COL25A1: variants seen among roughly 807,000 people sequenced by gnomAD.
COL25A1 encodes collagen type XXV alpha 1 chain.
COL25A1 carries 103 observed loss-of-function variants against 128.4 expected under a neutral mutation model. The ratio of observed to expected loss-of-function variants is 0.80; its 90% confidence interval spans 0.68 to 0.94. The LOEUF is 0.94. Among genes scored for constraint, COL25A1 ranks in the 40% least tolerant of loss-of-function variants. The probability of loss-of-function intolerance (pLI) is 0.00; values close to 1 mark genes in which losing one functional copy is unlikely to be tolerated. For missense variants in COL25A1, 745 were observed against 840.0 expected (o/e 0.89, Z 1.40); for synonymous variants, 279 against 277.2 (o/e 1.01, Z -0.06).
At chr4:108,976,308 A>G (rs763962265) in intron 6 of COL25A1, among the ~76,000 whole-genome samples, 1 of 152,228 alleles carries the variant, frequency 6.6e-6, no homozygotes, top group African/African-American at 2.4e-5. Flanking sequence ...AAATGTGGAT[A>G]TCAAATTAAC....
intron 3 of COL25A1, among the ~76,000 whole-genome samples, chr4:109,270,560 G>C (rs1179519619): frequency 6.6e-6 from 1 of 152,138 alleles, no homozygotes; most frequent in Non-Finnish European, 1.5e-5. Flanking sequence ...TTCTCCTAGA[G>C]CCTGCTCCTG....
Position 109,141,085 on chromosome 4 carries a change from C to A in COL25A1, c.368-90906G>T, listed in dbSNP as rs577023681. Among the ~76,000 whole-genome samples, 4 of 152,204 alleles carry A rather than the reference C, an allele frequency of 2.6e-5. No homozygotes were observed. In the South Asian group the frequency reaches 8.3e-4, roughly 32 times the overall value. On this transcript the variant is annotated intron_variant, in intron 3 of 37. Transcript: ENST00000399132. ...GGCTGTGGGTTTCTCATAAATAGCTCTAATTATTTTGAGATATGTTCCATC... is the reference window on the plus strand; with the variant it reads ...GGCTGTGGGTTTCTCATAAATAGCTATAATTATTTTGAGATATGTTCCATC...
At chr4:108,975,184 G>GT (rs1202998478) in intron 6 of COL25A1, among the ~76,000 whole-genome samples, 1 of 152,276 alleles carries the variant, frequency 6.6e-6, no homozygotes, top group Non-Finnish European at 1.5e-5. Flanking sequence ...GCCAGGCGCA[G>GT]TGGCTCATGC....
intron 8 of COL25A1, among the ~76,000 whole-genome samples, chr4:108,964,319 T>C (rs567157624): frequency 6.6e-6 from 1 of 151,922 alleles, no homozygotes; most frequent in African/African-American, 2.4e-5. Context: ...TCTGTGGTCA[T>C]TAATAGAATT....
intron 13 of COL25A1, among the ~76,000 whole-genome samples, chr4:108,910,079 G>C (rs1361672455): frequency 2.6e-5 from 4 of 152,076 alleles, no homozygotes; most frequent in African/African-American, 9.7e-5. Flanking sequence ...TTTTTCACCT[G>C]GTTCCCTTAA....
intron 5 of COL25A1, chr4:109,021,752 C>T (rs1040009232): frequency 2.2e-6 from 1 of 453,356 alleles, no homozygotes; most frequent in African/African-American, 2.0e-5. Context: ...TATTAAGACC[C>T]TAGGAAAAGA....
intron 3 of COL25A1, among the ~76,000 whole-genome samples, chr4:109,136,823 A>T (rs932872083): frequency 2.0e-5 from 3 of 152,248 alleles, no homozygotes; most frequent in African/African-American, 4.8e-5. Context: ...CAAAACTGTT[A>T]GGATTTCACT....
intron 3 of COL25A1, among the ~76,000 whole-genome samples, chr4:109,083,172 C>T (rs1306591077): frequency 6.6e-6 from 1 of 152,036 alleles, no homozygotes; most frequent in East Asian, 1.9e-4. Context: ...AAGTATTTGC[C>T]TAAGTCTGGT....
intron 6 of COL25A1, among the ~76,000 whole-genome samples, chr4:108,985,742 A>AC (rs1296310582): frequency 1.3e-5 from 2 of 152,074 alleles, no homozygotes; most frequent in Non-Finnish European, 2.9e-5. Context: ...TTGTGTCTAA[A>AC]CCTTTTTTGT....
chr4:108,828,797 G>T (rs1033007687), intron 32 of COL25A1, among the ~76,000 whole-genome samples: 1 of 152,108 alleles, frequency 6.6e-6, no homozygotes, highest in African/African-American at 2.4e-5. Context: ...GAGTTTAAAG[G>T]TTAGCAAATC....
At chr4:109,041,204 C>T (rs188557232) in intron 5 of COL25A1, among the ~76,000 whole-genome samples, 6 of 151,918 alleles carry the variant, frequency 3.9e-5, no homozygotes, top group Middle Eastern at 3.4e-3. Context: ...AAGAGAAGGC[C>T]GTAACAATGA....
chr4:109,214,785 A>G (rs1012227748), intron 3 of COL25A1, among the ~76,000 whole-genome samples: 9 of 152,072 alleles, frequency 5.9e-5, no homozygotes, highest in African/African-American at 2.2e-4. Flanking sequence ...CAAAGATGCC[A>G]AAAAGATGCC....
At chr4:109,296,084 A>G (rs1490549816) in intron 3 of COL25A1, among the ~76,000 whole-genome samples, 1 of 152,046 alleles carries the variant, frequency 6.6e-6, no homozygotes, top group Admixed American at 6.6e-5. Flanking sequence ...AGAATAAGCC[A>G]TCATCCTCCT....
At position 109,242,355 on chromosome 4, in the gene COL25A1, A is replaced by G. The variant is rs145477174; in HGVS notation, c.367+58228T>C. ...TGGAATAATGAATGTCCTTAGACTC[A>G]CCTGCACTTCACTTCACTCTTTGCA... On this transcript the variant is annotated intron_variant, in intron 3 of 37. Transcript: ENST00000399132. 5.7e-3 allele frequency among the ~76,000 whole-genome samples: 871 copies of G among 152,254 alleles called. 9 individuals carry two copies. The highest frequency in any genetic ancestry group is 0.019 in the African/African-American group (802 of 41,568).
chr4:109,026,334 A>G (rs1758285359), intron 5 of COL25A1, among the ~76,000 whole-genome samples: 1 of 152,190 alleles, frequency 6.6e-6, no homozygotes. Flanking sequence ...GATTGGAGAG[A>G]ATTTCAAGAA....
At chr4:109,039,758 G>C (rs1759697632) in intron 5 of COL25A1, among the ~76,000 whole-genome samples, 2 of 152,180 alleles carry the variant, frequency 1.3e-5, no homozygotes, top group Admixed American at 1.3e-4. Flanking sequence ...ATATTAGTTT[G>C]ATGAATGAAT....
rs1237979875 is a variant in COL25A1 at position 108,899,142 on chromosome 4, A to C, written c.861+12T>G. On this transcript the variant is annotated intron_variant, in intron 15 of 37. Transcript: ENST00000399132. ...AGTAGGGAGAGAGAAATACAGGCAGAATCATTCTTACCTTTTCACCTTGTT... is the reference window on the plus strand; with the variant it reads ...AGTAGGGAGAGAGAAATACAGGCAGCATCATTCTTACCTTTTCACCTTGTT... 1 of 1,608,970 alleles carries C rather than the reference A, an allele frequency of 6.2e-7. No homozygotes were observed. Among genetic ancestry groups the C allele is most frequent in the South Asian group, 1.1e-5 (1 of 89,736 alleles).
intron 5 of COL25A1, among the ~76,000 whole-genome samples, chr4:109,037,886 A>G (rs546540290): frequency 1.3e-5 from 2 of 152,336 alleles, no homozygotes; most frequent in Admixed American, 6.5e-5. Flanking sequence ...ATTATTAGCC[A>G]GGAAAGCTTA....
At chr4:109,100,918 A>G (rs1300071001) in intron 3 of COL25A1, among the ~76,000 whole-genome samples, 2 of 152,178 alleles carry the variant, frequency 1.3e-5, no homozygotes, top group Non-Finnish European at 2.9e-5. Context: ...GATGGTTATG[A>G]AAAGGTGATC....
Sources: allele counts gnomAD v4.1 joint callset (sites outside exome capture counted in the v4.1 genomes callset), GRCh38; gene constraint gnomAD v4.1.1; transcripts MANE v1.5; gene names NCBI Gene and HGNC (gene_info 2026-07-23, HGNC 2026-07-21).